Variants in ZYG11B observed in about 807,000 individuals in gnomAD.
ZYG11B encodes the protein protein zyg-11 homolog B.
ZYG11B carries 36 observed loss-of-function variants against 82.4 expected under a neutral mutation model. The observed-to-expected ratio is 0.44, with a 90% CI of 0.33 to 0.58. The LOEUF is 0.58. Among genes scored for constraint, ZYG11B ranks in the 20% least tolerant of loss-of-function variants. The pLI, the probability that ZYG11B is intolerant of heterozygous loss-of-function variation, is 0.02. For synonymous variants in ZYG11B, 303 were observed against 312.8 expected (o/e 0.97, Z 0.33); for missense variants, 552 against 895.6 (o/e 0.62, Z 4.90).
intron 13 of ZYG11B, among the ~76,000 whole-genome samples, chr1:52,820,535 C>G (rs1484346603): frequency 2.6e-5 from 4 of 151,108 alleles, no homozygotes; most frequent in Non-Finnish European, 5.9e-5. Context: ...ATAGTCCCAG[C>G]TACCCAGGAG....
chr1:52,770,215 C>T (rs1347652420), intron 2 of ZYG11B, among the ~76,000 whole-genome samples: 1 of 151,408 alleles, frequency 6.6e-6, no homozygotes, highest in African/African-American at 2.4e-5. Flanking sequence ...TCTCAGCCTC[C>T]CTAGTAGCTA....
At chr1:52,784,176 G>A (rs939185014) in intron 4 of ZYG11B, among the ~76,000 whole-genome samples, 9 of 152,174 alleles carry the variant, frequency 5.9e-5, no homozygotes, top group African/African-American at 2.2e-4. Flanking sequence ...ATTTTTAGTA[G>A]AGATGGGGTT....
chr1:52,817,364 A>G (rs1199293304), intron 13 of ZYG11B, among the ~76,000 whole-genome samples: 1 of 152,132 alleles, frequency 6.6e-6, no homozygotes, highest in East Asian at 1.9e-4. Flanking sequence ...ATCAGGTTCT[A>G]TATTATTCTT....
intron 3 of ZYG11B, among the ~76,000 whole-genome samples, chr1:52,777,804 C>T (rs1644822031): frequency 6.6e-6 from 1 of 152,082 alleles, no homozygotes; most frequent in South Asian, 2.1e-4. Context: ...TATTTGATTA[C>T]TTTTGTGTCA....
chr1:52,742,312 C>G (rs1644436985), intron 1 of ZYG11B, among the ~76,000 whole-genome samples: 1 of 152,038 alleles, frequency 6.6e-6, no homozygotes, highest in African/African-American at 2.4e-5. Flanking sequence ...ATTAGCCAGA[C>G]ATGATGACAC....
At chr1:52,793,760 G>A (rs748408814) in intron 6 of ZYG11B, among the ~76,000 whole-genome samples, 7 of 152,144 alleles carry the variant, frequency 4.6e-5, no homozygotes, top group Non-Finnish European at 8.8e-5. Flanking sequence ...GGGTAGGCAG[G>A]AAGAAGCTTG....
intron 10 of ZYG11B, among the ~76,000 whole-genome samples, chr1:52,808,584 T>C (rs1458404908): frequency 6.6e-6 from 1 of 152,166 alleles, no homozygotes; most frequent in Non-Finnish European, 1.5e-5. Flanking sequence ...CAGGCTGGTC[T>C]CAAACTCCTG....
At chr1:52,775,287 G>T (rs1000543316) in intron 3 of ZYG11B, among the ~76,000 whole-genome samples, 9 of 152,156 alleles carry the variant, frequency 5.9e-5, no homozygotes, top group Non-Finnish European at 2.9e-5. Context: ...TCAACATGCA[G>T]TGAAGGTACA....
chr1:52,810,479 CCTA>C (rs1283185822), intron 10 of ZYG11B, among the ~76,000 whole-genome samples: 3 of 152,194 alleles, frequency 2.0e-5, no homozygotes, highest in Non-Finnish European at 1.5e-5. Flanking sequence ...CACCTCATCT[CCTA>C]CTCCATTCAG....
rs1367855854 is a variant in ZYG11B, at chr1:52,803,165, T to C, written c.1695+1026T>C. On this transcript the variant is annotated intron_variant, in intron 10 of 13. Coordinates refer to ENST00000294353, the MANE Select transcript of ZYG11B (RefSeq NM_024646.3). Reference sequence around the variant, plus strand: ...ATATATATATATATACACATATATATATACACACATATATATATATATACA... The same window carrying C: ...ATATATATATATATACACATATATACATACACACATATATATATATATACA... Among the ~76,000 whole-genome samples the C allele has an allele frequency of 7.0e-5, 5 of 71,092 alleles. 1 individual carries two copies. The African/African-American group carries it at 7.1e-4, about 10-fold the overall frequency. The allele number at this position is 71,092 out of a possible 152,430, so 46.6% of individuals were successfully genotyped here. A position where few individuals can be genotyped will look rare whatever the true frequency, so the allele number is the denominator to read the frequency against.
In ZYG11B at chr1:52,790,445, G is replaced by A. The variant is rs188834904; in HGVS notation, c.1334+378G>A. Among the ~76,000 whole-genome samples the A allele has an allele frequency of 1.6e-3, 248 of 152,184 alleles. 2 individuals carry two copies. The highest frequency in any genetic ancestry group is 8.3e-3 in the Admixed American group (126 of 15,268). The stretch of plus-strand genomic sequence containing the variant: ...TAACTGCAAGATTAGTAAGATGCAG[G>A]TTTGGCCAGGCACAGTGGCTCATGC... On this transcript the variant is annotated intron_variant, in intron 6 of 13. Coordinates refer to ENST00000294353, the MANE Select transcript of ZYG11B (RefSeq NM_024646.3).
chr1:52,814,315 C>T (rs72895431), intron 12 of ZYG11B, among the ~76,000 whole-genome samples: 5,655 of 152,328 alleles, frequency 0.037, 327 homozygotes, highest in African/African-American at 0.13. Flanking sequence ...GCCACCACAC[C>T]CAGCCAAAAG....
At chr1:52,799,605 CA>C (rs1003416448) in intron 8 of ZYG11B, among the ~76,000 whole-genome samples, 3 of 151,476 alleles carry the variant, frequency 2.0e-5, no homozygotes, top group African/African-American at 7.3e-5. Context: ...CTCATGGTGT[CA>C]AACATGGTGA....
chr1:52,805,492 C>T (rs114928888), intron 10 of ZYG11B: 119 of 455,850 alleles, frequency 2.6e-4, no homozygotes, highest in African/African-American at 2.2e-3. Flanking sequence ...TTATTTGATA[C>T]AGAAGTTGGC....
At chr1:52,770,092 A>ATATTT (rs1553259758) in intron 2 of ZYG11B, among the ~76,000 whole-genome samples, 49 of 94,454 alleles carry the variant, frequency 5.2e-4, no homozygotes, top group Non-Finnish European at 7.7e-4. Context: ...ATATATATAT[A>ATATTT]TTTTTTTTTT....
At chr1:52,806,903 C>G (rs1375740968) in intron 10 of ZYG11B, among the ~76,000 whole-genome samples, 4 of 150,688 alleles carry the variant, frequency 2.7e-5, no homozygotes, top group Admixed American at 2.0e-4. Flanking sequence ...GAGTCTTGCT[C>G]TGTTGCCCAG....
At chr1:52,811,855 C>T (rs1200980605) in intron 10 of ZYG11B, among the ~76,000 whole-genome samples, 1 of 151,972 alleles carries the variant, frequency 6.6e-6, no homozygotes, top group Non-Finnish European at 1.5e-5. Context: ...ATGGTGAAAC[C>T]CCGTCTCTAC....
chr1:52,767,390 C>T (rs1644707116), intron 2 of ZYG11B, among the ~76,000 whole-genome samples: 1 of 152,022 alleles, frequency 6.6e-6, no homozygotes, highest in Non-Finnish European at 1.5e-5. Context: ...CTGCAACCTC[C>T]GTCGCCTGGG....
chr1:52,735,134 G>A (rs568085676), intron 1 of ZYG11B, among the ~76,000 whole-genome samples: 5 of 150,124 alleles, frequency 3.3e-5, no homozygotes, highest in Admixed American at 2.7e-4. Flanking sequence ...AGGTTCAAGC[G>A]GTTCTCCTGC....
Sources: allele counts gnomAD v4.1 joint callset (sites outside exome capture counted in the v4.1 genomes callset), GRCh38; gene constraint gnomAD v4.1.1; transcripts MANE v1.5; gene names NCBI Gene and HGNC (gene_info 2026-07-23, HGNC 2026-07-21).